BEND7: variants seen among roughly 807,000 people sequenced by gnomAD.
The protein encoded by BEND7 is BEN domain containing 7, also known as BEN domain-containing protein 7.
A neutral mutation model predicts 50.9 loss-of-function variants in BEND7; 28 were observed. The observed-to-expected ratio is 0.55, with a 90% CI of 0.41 to 0.75. The LOEUF (loss-of-function observed/expected upper bound fraction) is 0.75, where lower values mean the gene tolerates loss of function less well. Among genes scored for constraint, BEND7 ranks in the 30% least tolerant of loss-of-function variants. The pLI, the probability that BEND7 is intolerant of heterozygous loss-of-function variation, is 0.00. For missense variants in BEND7, 477 were observed against 491.3 expected (o/e 0.97, Z 0.28); for synonymous variants, 170 against 183.9 (o/e 0.92, Z 0.61).
rs868449745 is a variant in BEND7, at chr10:13,481,026, A to G, written c.936T>C (p.Phe312=). 13 of 1,614,184 alleles carry G rather than the reference A, an allele frequency of 8.1e-6. No homozygotes were observed. Among genetic ancestry groups the G allele is most frequent in the African/African-American group, 8.0e-5 (6 of 75,048 alleles). Residue 312 remains phenylalanine (F), a synonymous_variant, in exon 6 of 9, where the codon TTT becomes TTC. Transcript: ENST00000466271. ...SNYTRSGSLL[F]RKLVCAFFDD... is the part of the protein sequence containing the mutation. ...CAAAAAACGCACACACCAGTTTTCTAAACAGAAGGCTTCCTGAGCGAGTGT... is the reference window on the plus strand; with the variant it reads ...CAAAAAACGCACACACCAGTTTTCTGAACAGAAGGCTTCCTGAGCGAGTGT...
intron 7 of BEND7, among the ~76,000 whole-genome samples, chr10:13,448,430 G>A (rs913051650): frequency 6.6e-6 from 1 of 152,196 alleles, no homozygotes; most frequent in Non-Finnish European, 1.5e-5. Context: ...AATGAGGTCA[G>A]CCTTGGCACC....
intron 6 of BEND7, among the ~76,000 whole-genome samples, chr10:13,474,581 G>A (rs1011943044): frequency 6.6e-6 from 1 of 151,016 alleles, no homozygotes; most frequent in Admixed American, 6.6e-5. Flanking sequence ...TTGGACTCGG[G>A]TCGATACCCG....
intron 6 of BEND7, among the ~76,000 whole-genome samples, chr10:13,452,897 T>C (rs2131056123): frequency 1.3e-5 from 2 of 152,346 alleles, no homozygotes; most frequent in Middle Eastern, 6.8e-3. Context: ...GTAGTTTGTA[T>C]GGAAGCTACT....
intron 6 of BEND7, among the ~76,000 whole-genome samples, chr10:13,457,282 G>T (rs1839189509): frequency 6.6e-6 from 1 of 152,204 alleles, no homozygotes; most frequent in Non-Finnish European, 1.5e-5. Context: ...GGAGGCTGTG[G>T]ACTCTCTGCT....
chr10:13,480,541 T>C, intron 6 of BEND7: 7 of 713,386 alleles, frequency 9.8e-6, no homozygotes, highest in Non-Finnish European at 1.2e-5. Context: ...AGAAGCATCA[T>C]AGCTTTATTC....
At chr10:13,519,549 A>C (rs1030752003) in intron 2 of BEND7, among the ~76,000 whole-genome samples, 1 of 152,232 alleles carries the variant, frequency 6.6e-6, no homozygotes, top group Non-Finnish European at 1.5e-5. Flanking sequence ...GGGGTAATAA[A>C]AACAGAAATA....
chr10:13,526,180 C>T lies in BEND7; in HGVS notation c.103G>A (p.Asp35Asn), dbSNP rs2079453095. 7.8e-7 allele frequency: 1 copy of T among 1,289,504 alleles called. No individual in the cohort carries two copies. The highest frequency in any genetic ancestry group is 1.5e-5 in the African/African-American group (1 of 65,838). 79.9% of individuals were successfully genotyped at this position (1,289,504 alleles called of 1,614,324 possible). The change falls in exon 2 of 9, where the codon GAT becomes AAT. Residue 35 changes from aspartate (D) to asparagine (N), a missense_variant. Physicochemically the swap from Asp to Asn is conservative, Grantham distance 23. Transcript: ENST00000466271. ...EVYKIPEFSN[D>N]VNGEAKETQP... Reference sequence around the variant, plus strand: ...GTCTCTTTGGCCTCCCCATTAACATCGTTGCTGAATTCTGGGATCTTATAC... The same window carrying T: ...GTCTCTTTGGCCTCCCCATTAACATTGTTGCTGAATTCTGGGATCTTATAC...
chr10:13,482,111 T>C (rs2075907951), intron 5 of BEND7, among the ~76,000 whole-genome samples: 1 of 152,252 alleles, frequency 6.6e-6, no homozygotes, highest in Non-Finnish European at 1.5e-5. Flanking sequence ...TTACACTGTA[T>C]TAGAATTATT....
At chr10:13,500,974 T>A (rs1320203537) in intron 2 of BEND7, 1 of 346,534 alleles carries the variant, frequency 2.9e-6, no homozygotes. Flanking sequence ...CTTCTTTTTT[T>A]AAGATTTTTC....
At chr10:13,520,205 T>C (rs1380785886) in intron 2 of BEND7, among the ~76,000 whole-genome samples, 1 of 152,074 alleles carries the variant, frequency 6.6e-6, no homozygotes, top group African/African-American at 2.4e-5. Context: ...TGACAATACC[T>C]TCTCAGAGCT....
rs5783329 is a variant in BEND7 at position 13,517,065 on chromosome 10, C to CTT, written c.145+9071_145+9072dup. Among the ~76,000 whole-genome samples the CTT allele has an allele frequency of 3.6e-3, 454 of 126,080 alleles. 4 individuals are homozygous for CTT. Among genetic ancestry groups the CTT allele is most frequent in the African/African-American group, 0.012 (422 of 34,648 alleles). 82.7% of individuals were successfully genotyped at this position (126,080 alleles called of 152,430 possible). ...TTGCCCTATTAGGGTTTTCTGGTGGCTTTTTTTTTTTTTTTTTTGAGACAG... is the reference window on the plus strand; with the variant it reads ...TTGCCCTATTAGGGTTTTCTGGTGGCTTTTTTTTTTTTTTTTTTTTGAGACAG... On this transcript the variant is annotated intron_variant, in intron 2 of 8. Coordinates refer to ENST00000466271, the MANE Select transcript of BEND7 (RefSeq NM_001369863.1).
At chr10:13,446,000 ATAT>A (rs1254425489) in intron 8 of BEND7, 4 of 152,226 alleles carry the variant, frequency 2.6e-5, no homozygotes, top group African/African-American at 9.7e-5. Context: ...GCGTGCCCTG[ATAT>A]TCAGAGAATG....
chr10:13,500,867 C>A lies in BEND7; in HGVS notation c.146-787G>T, dbSNP rs377665800. The A allele has an allele frequency of 8.6e-5, 85 of 984,640 alleles. No homozygotes were observed. The East Asian group carries it at 5.2e-3, about 61-fold the overall frequency. The allele number at this position is 984,640 out of a possible 1,614,324, so 61.0% of individuals were successfully genotyped here. On this transcript the variant is annotated intron_variant, in intron 2 of 8. Transcript: ENST00000466271. ...GCGGAAGTGCAACCTCCCCACCGTG[C>A]CCTCCTCCCATGCCAAACGCACTGC...
intron 6 of BEND7, among the ~76,000 whole-genome samples, chr10:13,463,059 G>A (rs2073875581): frequency 2.0e-5 from 3 of 152,144 alleles, no homozygotes; most frequent in African/African-American, 7.2e-5. Flanking sequence ...TTGTTCCGAG[G>A]AAAATTTCGG....
intron 4 of BEND7, 61 bp downstream of exon 4, chr10:13,496,705 C>T (rs1198643885): frequency 3.3e-5 from 51 of 1,554,396 alleles, no homozygotes; most frequent in South Asian, 2.3e-4. Flanking sequence ...AACATTCCAA[C>T]GGAAGATGTC....
At chr10:13,459,399 C>T (rs1839751342) in intron 6 of BEND7, 1 of 152,200 alleles carries the variant, frequency 6.6e-6, no homozygotes, top group South Asian at 2.1e-4. Context: ...TAGAGTATAT[C>T]TTTTCTCCAA....
At chr10:13,465,796 C>T (rs1223570957) in intron 6 of BEND7, among the ~76,000 whole-genome samples, 1 of 152,080 alleles carries the variant, frequency 6.6e-6, no homozygotes, top group East Asian at 1.9e-4. Context: ...TTGTTATCCC[C>T]ACACTGGTGG....
In BEND7 at chr10:13,508,107, G is replaced by C. The variant is rs555090226; in HGVS notation, c.146-8027C>G. ...CACAACCTCCACAAGTGAGCTGAAAGAAGAGGAATCTGAAACAGACCCTGT... is the reference window on the plus strand; with the variant it reads ...CACAACCTCCACAAGTGAGCTGAAACAAGAGGAATCTGAAACAGACCCTGT... On this transcript the variant is annotated intron_variant, in intron 2 of 8. Coordinates refer to ENST00000466271, the MANE Select transcript of BEND7 (RefSeq NM_001369863.1). Among the ~76,000 whole-genome samples the C allele has an allele frequency of 7.9e-5, 12 of 152,336 alleles. No individual in the cohort carries two copies. The South Asian group carries it at 2.3e-3, about 29-fold the overall frequency.
At chr10:13,477,683 T>C (rs1415965269) in intron 6 of BEND7, among the ~76,000 whole-genome samples, 1 of 152,260 alleles carries the variant, frequency 6.6e-6, no homozygotes, top group Non-Finnish European at 1.5e-5. Flanking sequence ...TTAGCTTTCA[T>C]TGGCATTTTA....
Sources: allele counts gnomAD v4.1 joint callset (sites outside exome capture counted in the v4.1 genomes callset), GRCh38; gene constraint gnomAD v4.1.1; transcripts MANE v1.5; gene names NCBI Gene and HGNC (gene_info 2026-07-23, HGNC 2026-07-21).